The following RTTN variants were observed in gnomAD, a reference collection of about 807,000 sequenced individuals.
RTTN encodes the protein rotatin.
In RTTN, 182 loss-of-function variants were observed where a neutral mutation model predicts 269.2. The observed-to-expected ratio is 0.68, with a 90% CI of 0.60 to 0.76. The LOEUF (loss-of-function observed/expected upper bound fraction) is 0.76, where lower values mean the gene tolerates loss of function less well. Among genes scored for constraint, RTTN ranks in the 30% least tolerant of loss-of-function variants. The pLI is 0.00. For missense variants in RTTN, 2,545 were observed against 2,608.6 expected, an observed-to-expected ratio of 0.98 and a Z score of 0.53; for synonymous variants, 1,006 against 963.5, an observed-to-expected ratio of 1.04 and a Z score of -0.82.
intron 45 of RTTN, among the ~76,000 whole-genome samples, chr18:70,017,969 C>T (rs1481282216): frequency 6.6e-6 from 1 of 152,146 alleles, no homozygotes; most frequent in East Asian, 1.9e-4. Flanking sequence ...GAGATTATTT[C>T]AGGGCTCTTG....
At chr18:70,189,020 CCA>C (rs1214221291) in intron 9 of RTTN, among the ~76,000 whole-genome samples, 1 of 152,174 alleles carries the variant, frequency 6.6e-6, no homozygotes, top group Non-Finnish European at 1.5e-5. Flanking sequence ...CCATAATTTA[CCA>C]CAAAAGGGCA....
chr18:70,145,830 T>C (rs774047092), intron 17 of RTTN, 47 bp from the exon 18 acceptor site: 25 of 1,484,810 alleles, frequency 1.7e-5, no homozygotes, highest in Admixed American at 6.3e-5. Flanking sequence ...TATGCAAATG[T>C]CTATTTTAAA....
At chr18:70,040,578 A>G (rs76226681) in intron 40 of RTTN, among the ~76,000 whole-genome samples, 2 of 152,204 alleles carry the variant, frequency 1.3e-5, no homozygotes, top group African/African-American at 2.4e-5. Context: ...CAGAAAGAAA[A>G]TCACCAAAGA....
At chr18:70,066,164 A>G (rs936735373) in intron 34 of RTTN, among the ~76,000 whole-genome samples, 3 of 152,170 alleles carry the variant, frequency 2.0e-5, no homozygotes, top group Non-Finnish European at 4.4e-5. Context: ...TATTGACTTC[A>G]GGCCCATTTA....
Position 70,005,209 on chromosome 18 carries a change from A to T in RTTN, c.6584T>A (p.Leu2195Ter). ...TTATTGCAACTTACTTTTCTTTGCT[A>T]AGGAGTATGCTTCATCCACTCTTCT... ...VKRRVDEAYS[L>*]AKKTFPNSEA... Residue 2195 changes from leucine to a stop codon, truncating the protein, a stop_gained, in exon 48 of 49, where the codon TTA (leucine) becomes TAA (stop). Coordinates refer to ENST00000640769, the MANE Select transcript of RTTN (RefSeq NM_173630.4). LOFTEE classifies it high-confidence loss of function. 1 of 1,610,228 alleles carries T rather than the reference A, an allele frequency of 6.2e-7. No homozygotes were observed. The highest frequency in any genetic ancestry group is 8.5e-7 in the Non-Finnish European group (1 of 1,177,674).
At chr18:70,012,227 T>C (rs980708547) in intron 46 of RTTN, among the ~76,000 whole-genome samples, 9 of 147,232 alleles carry the variant, frequency 6.1e-5, no homozygotes, top group Non-Finnish European at 1.3e-4. Context: ...TGCTCACTGG[T>C]ATTAGTTACA....
intron 22 of RTTN, among the ~76,000 whole-genome samples, 188 bp downstream of exon 22, chr18:70,134,996 G>A (rs1385264131): frequency 6.6e-6 from 1 of 152,088 alleles, no homozygotes; most frequent in Non-Finnish European, 1.5e-5. Flanking sequence ...AATAAAATTT[G>A]AGATAGACTT....
chr18:70,077,186 T>C (rs1415947054), intron 32 of RTTN, among the ~76,000 whole-genome samples: 1 of 151,950 alleles, frequency 6.6e-6, no homozygotes, highest in Non-Finnish European at 1.5e-5. Flanking sequence ...ATATATTTTA[T>C]AATGATACAA....
chr18:70,030,972 C>G lies in RTTN; in HGVS notation c.5551G>C (p.Gly1851Arg). Reference sequence around the variant, plus strand: ...TTCAGGATATCTTTGGAGGATTTCCCTTCATAGCACTGCAGAGAATATAAA... The same window carrying G: ...TTCAGGATATCTTTGGAGGATTTCCGTTCATAGCACTGCAGAGAATATAAA... ...LSDVILQCYE[G>R]KSSKDILKRV... The change falls in exon 41 of 49, where the codon GGG becomes CGG. Residue 1851 changes from glycine to arginine, a missense_variant. Gly to Arg is a moderately radical substitution (Grantham distance 125). Coordinates refer to ENST00000640769, the MANE Select transcript of RTTN (RefSeq NM_173630.4). The G allele has an allele frequency of 6.2e-7, 1 of 1,609,052 alleles. No individual in the cohort carries two copies. The highest frequency in any genetic ancestry group is 8.5e-7 in the Non-Finnish European group (1 of 1,176,518).
At chr18:70,080,072 A>G (rs2058523584) in intron 32 of RTTN, among the ~76,000 whole-genome samples, 1 of 152,098 alleles carries the variant, frequency 6.6e-6, no homozygotes, top group Non-Finnish European at 1.5e-5. Flanking sequence ...TCAGTTTACC[A>G]AGTACTCATT....
chr18:70,108,287 A>G (rs2059375291), intron 28 of RTTN, among the ~76,000 whole-genome samples: 1 of 152,192 alleles, frequency 6.6e-6, no homozygotes, highest in Non-Finnish European at 1.5e-5. Flanking sequence ...AAAAAAAAAA[A>G]AAGTCATTTC....
At chr18:70,110,822 C>T (rs1032938775) in intron 27 of RTTN, among the ~76,000 whole-genome samples, 5 of 152,242 alleles carry the variant, frequency 3.3e-5, no homozygotes, top group African/African-American at 7.2e-5. Context: ...TTGAAATTCT[C>T]GTTGCCAGCA....
At chr18:70,063,890 A>AT (rs1445217065) in intron 35 of RTTN, among the ~76,000 whole-genome samples, 2 of 151,404 alleles carry the variant, frequency 1.3e-5, no homozygotes, top group Non-Finnish European at 2.9e-5. Flanking sequence ...ATAGTGTCAT[A>AT]TATCACCAAA....
intron 12 of RTTN, among the ~76,000 whole-genome samples, chr18:70,168,261 GTCTGTC>G (rs1438855918): frequency 2.0e-5 from 3 of 152,052 alleles, no homozygotes; most frequent in African/African-American, 7.2e-5. Context: ...TTGTATCAAT[GTCTGTC>G]TCTAAGACCC....
intron 35 of RTTN, chr18:70,061,203 G>C: frequency 2.7e-6 from 1 of 368,896 alleles, no homozygotes; most frequent in African/African-American, 2.1e-5. Flanking sequence ...CAACAACACT[G>C]TATGAGAGCT....
intron 10 of RTTN, among the ~76,000 whole-genome samples, chr18:70,184,962 T>A (rs1343675056): frequency 1.3e-5 from 2 of 151,836 alleles, no homozygotes; most frequent in Non-Finnish European, 2.9e-5. Flanking sequence ...ACAATAAGCT[T>A]CACTATAGCT....
At chr18:70,195,127 G>A (rs1355642044) in intron 7 of RTTN, among the ~76,000 whole-genome samples, 1 of 152,172 alleles carries the variant, frequency 6.6e-6, no homozygotes, top group Non-Finnish European at 1.5e-5. Context: ...CCTCTCTGAT[G>A]TCACCTCATT....
chr18:70,193,090 A>G, intron 8 of RTTN, 198 bp downstream of exon 8: 1 of 525,268 alleles, frequency 1.9e-6, no homozygotes, highest in Non-Finnish European at 3.3e-6. Context: ...TTGCGATGTA[A>G]TATTTATCTG....
chr18:70,144,588 T>C (rs999560872), intron 18 of RTTN, among the ~76,000 whole-genome samples: 1 of 152,150 alleles, frequency 6.6e-6, no homozygotes, highest in Non-Finnish European at 1.5e-5. Context: ...GAAGACGTAT[T>C]AGAATGCCCT....
Sources: allele counts gnomAD v4.1 joint callset (sites outside exome capture counted in the v4.1 genomes callset), GRCh38; gene constraint gnomAD v4.1.1; transcripts MANE v1.5; gene names NCBI Gene and HGNC (gene_info 2026-07-23, HGNC 2026-07-21).